The following LINGO2 variants were observed in gnomAD, a reference collection of about 807,000 sequenced individuals.
LINGO2 encodes leucine rich repeat and Ig domain containing 2, also known as leucine-rich repeat and immunoglobulin-like domain-containing nogo receptor-interacting protein 2.
A neutral mutation model predicts 30.6 loss-of-function variants in LINGO2; 14 were observed. The observed-to-expected ratio is 0.46, with a 90% CI of 0.30 to 0.72. The LOEUF is 0.72. LINGO2 is among the 30% of genes least tolerant of loss of function. The pLI, the probability that LINGO2 is intolerant of heterozygous loss-of-function variation, is 0.07. For missense variants in LINGO2, 729 were observed against 751.7 expected (o/e 0.97, Z 0.35); for synonymous variants, 317 against 288.5 (o/e 1.10, Z -1.00).
upstream of LINGO2, among the ~76,000 whole-genome samples, chr9:28,673,703 C>CATCATG (rs951799973): frequency 1.9e-4 from 29 of 151,756 alleles, 2 homozygotes; most frequent in African/African-American, 6.8e-4. Flanking sequence ...TCATCATCAT[C>CATCATG]ATAAATATTG....
intron 5 of LINGO2, among the ~76,000 whole-genome samples, chr9:27,972,712 C>T (rs531896823): frequency 6.6e-6 from 1 of 152,172 alleles, no homozygotes; most frequent in East Asian, 1.9e-4. Flanking sequence ...CCACAGGAGT[C>T]AGAAGTTATT....
At chr9:27,976,539 T>G (rs1438905551) in intron 5 of LINGO2, among the ~76,000 whole-genome samples, 1 of 152,078 alleles carries the variant, frequency 6.6e-6, no homozygotes, top group South Asian at 2.1e-4. Flanking sequence ...TAGCATTTAC[T>G]CCTCACAACA....
chr9:29,066,311 C>A, the LINGO2 span, among the ~76,000 whole-genome samples: 1 of 151,910 alleles, frequency 6.6e-6, no homozygotes, highest in South Asian at 2.1e-4. Flanking sequence ...GTGGAAAATT[C>A]TATTCCCTGT....
At chr9:27,969,712 A>G (rs1405940053) in intron 5 of LINGO2, among the ~76,000 whole-genome samples, 2 of 152,112 alleles carry the variant, frequency 1.3e-5, no homozygotes, top group Non-Finnish European at 2.9e-5. Flanking sequence ...AAACAAACAA[A>G]CAAACAAACA....
rs1035483614 is a variant in LINGO2, at chr9:28,273,509, C to T, written c.-87+21699G>A. Among the ~76,000 whole-genome samples, 88 of 152,142 alleles carry T rather than the reference C, an allele frequency of 5.8e-4. 2 individuals carry two copies. Among genetic ancestry groups the T allele is most frequent in the Non-Finnish European group, 1.6e-4 (11 of 68,032 alleles). On this transcript the variant is annotated intron_variant, in intron 4 of 5. Coordinates refer to ENST00000379992, the Ensembl canonical transcript of LINGO2. ...CATTATTCCCAAAGTCCGAAAATGC[C>T]CAGGAAAGCTATGTGGCAGGTCATG...
the LINGO2 span, among the ~76,000 whole-genome samples, chr9:29,121,020 A>C: frequency 6.6e-6 from 1 of 152,222 alleles, no homozygotes; most frequent in Middle Eastern, 3.4e-3. Flanking sequence ...GAAAACTGAG[A>C]CCTGGATATA....
chr9:28,375,443 C>T (rs1821092538), intron 2 of LINGO2, among the ~76,000 whole-genome samples: 1 of 152,210 alleles, frequency 6.6e-6, no homozygotes, highest in Non-Finnish European at 1.5e-5. Flanking sequence ...GCACCAAGAT[C>T]TGAGGGCCTA....
At chr9:28,046,510 T>C (rs1046304618) in intron 4 of LINGO2, among the ~76,000 whole-genome samples, 1 of 152,182 alleles carries the variant, frequency 6.6e-6, no homozygotes, top group South Asian at 2.1e-4. Flanking sequence ...CTTTGCAGTT[T>C]AGGAATACTT....
intron 4 of LINGO2, among the ~76,000 whole-genome samples, chr9:28,134,541 T>A (rs1284635971): frequency 6.6e-6 from 1 of 152,238 alleles, no homozygotes; most frequent in Non-Finnish European, 1.5e-5. Context: ...GGAGGGCACC[T>A]GGCTGGTAAG....
chr9:28,299,484 T>A (rs1295888399), intron 3 of LINGO2, among the ~76,000 whole-genome samples: 1 of 152,060 alleles, frequency 6.6e-6, no homozygotes, highest in Non-Finnish European at 1.5e-5. Context: ...GATGAAAAGG[T>A]CAGAAAGTAT....
intron 4 of LINGO2, among the ~76,000 whole-genome samples, chr9:28,233,464 T>C (rs1190606194): frequency 6.6e-6 from 1 of 152,096 alleles, no homozygotes; most frequent in Non-Finnish European, 1.5e-5. Context: ...TATAAAATGT[T>C]ATGAGCAGTC....
At chr9:28,922,733 C>T in the LINGO2 span, among the ~76,000 whole-genome samples, 4 of 152,106 alleles carry the variant, frequency 2.6e-5, no homozygotes, top group Non-Finnish European at 2.9e-5. Flanking sequence ...CACTACTTTG[C>T]GACACGGGTT....
chr9:27,949,691 A>G (rs778951674), exon 6 of LINGO2: 2 of 1,614,122 alleles, frequency 1.2e-6, no homozygotes, highest in South Asian at 2.2e-5. Flanking sequence ...TCTGAGACAC[A>G]TTGAGCACGC....
chr9:28,231,737 G>A (rs1163120835), intron 4 of LINGO2, among the ~76,000 whole-genome samples: 1 of 151,930 alleles, frequency 6.6e-6, no homozygotes, highest in Non-Finnish European at 1.5e-5. Context: ...TCCTTGTTAG[G>A]TAAGTATGGT....
intron 1 of LINGO2, among the ~76,000 whole-genome samples, chr9:28,520,350 A>T (rs185605330): frequency 6.6e-6 from 1 of 152,242 alleles, no homozygotes; most frequent in East Asian, 1.9e-4. Context: ...TTTTTTAGTA[A>T]TATTGGAATG....
chr9:28,295,199 G>A lies in LINGO2; in HGVS notation c.-87+9C>T, dbSNP rs574704009. On this transcript the variant is annotated intron_variant, in intron 4 of 5. Coordinates refer to ENST00000379992, the Ensembl canonical transcript of LINGO2. ...TAATAAATGATCAGATGTCTCCCTC[G>A]AACCTTACCTGGTTTACTCTTTTGA... The A allele has an allele frequency of 3.3e-5, 5 of 152,556 alleles. No homozygotes were observed. The highest frequency in any genetic ancestry group is 4.2e-4 in the South Asian group (2 of 4,806). The allele number at this position is 152,556 out of a possible 1,614,324, so 9.5% of individuals were successfully genotyped here.
the LINGO2 span, among the ~76,000 whole-genome samples, chr9:29,146,383 AC>A: frequency 0.25 from 37,897 of 151,836 alleles, 4,923 homozygotes; most frequent in East Asian, 0.4. Context: ...ACAAAAAAAA[AC>A]CAGCTAAGAC....
At chr9:28,015,951 A>G (rs568541055) in intron 4 of LINGO2, among the ~76,000 whole-genome samples, 1 of 151,180 alleles carries the variant, frequency 6.6e-6, no homozygotes, top group Admixed American at 6.6e-5. Context: ...CAAATATTTA[A>G]TGAGAAACTG....
chr9:28,389,520 GCA>G (rs1401861243), intron 2 of LINGO2, among the ~76,000 whole-genome samples: 8 of 152,118 alleles, frequency 5.3e-5, no homozygotes, highest in Admixed American at 5.2e-4. Flanking sequence ...TGACAACCAT[GCA>G]CAGAGGCATC....
Sources: gnomAD v4.1 joint callset for allele counts (sites outside exome capture counted in the v4.1 genomes callset) on GRCh38, gnomAD v4.1.1 for gene constraint, MANE v1.5 for transcripts, NCBI Gene and HGNC (gene_info 2026-07-23, HGNC 2026-07-21) for gene names.